The following EVC2 variants were observed in gnomAD, a reference collection of about 807,000 sequenced individuals.
EVC2 encodes EvC ciliary complex subunit 2.
EVC2 carries 148 observed loss-of-function variants against 149.3 expected under a neutral mutation model. That is an observed-to-expected ratio of 0.99 (90% confidence interval 0.87 to 1.14). The LOEUF (loss-of-function observed/expected upper bound fraction) is 1.14. Among genes scored for constraint, EVC2 ranks in the 50% most tolerant of loss-of-function variants. EVC2 has a pLI of 0.00. For missense variants in EVC2, 1,854 were observed against 1,627.3 expected (o/e 1.14, Z -2.40); for synonymous variants, 776 against 649.9 (o/e 1.19, Z -2.95).
intron 7 of EVC2, among the ~76,000 whole-genome samples, chr4:5,678,469 ATC>A (rs1468238806): frequency 6.6e-6 from 1 of 152,170 alleles, no homozygotes; most frequent in Non-Finnish European, 1.5e-5. Context: ...TTTGCTTTGT[ATC>A]TTTTCATTGT....
At chr4:5,698,211 T>C (rs1402650122) in intron 1 of EVC2, among the ~76,000 whole-genome samples, 9 of 152,108 alleles carry the variant, frequency 5.9e-5, no homozygotes, top group East Asian at 3.9e-4. Flanking sequence ...CACCATGTGA[T>C]TGAAATGTCT....
At chr4:5,630,906 C>T (rs1232539959) in intron 11 of EVC2, among the ~76,000 whole-genome samples, 1 of 152,202 alleles carries the variant, frequency 6.6e-6, no homozygotes, top group Non-Finnish European at 1.5e-5. Context: ...TTACCATCAG[C>T]TAGAGCAAGC....
At chr4:5,638,353 C>T (rs1717036171) in intron 10 of EVC2, among the ~76,000 whole-genome samples, 1 of 150,782 alleles carries the variant, frequency 6.6e-6, no homozygotes, top group South Asian at 2.1e-4. Context: ...TGCACCACTG[C>T]ACTGCGATCT....
At chr4:5,678,683 T>G (rs945968588) in intron 7 of EVC2, among the ~76,000 whole-genome samples, 2 of 152,186 alleles carry the variant, frequency 1.3e-5, no homozygotes, top group African/African-American at 4.8e-5. Flanking sequence ...GTACAGCATG[T>G]TACTGTACTG....
chr4:5,558,361 G>C (rs570152254), downstream of EVC2, among the ~76,000 whole-genome samples: 1 of 152,286 alleles, frequency 6.6e-6, no homozygotes, highest in East Asian at 1.9e-4. Flanking sequence ...CAGGGGTCCA[G>C]GTGGAGGAGG....
At chr4:5,566,388 T>C (rs551636405) in intron 20 of EVC2, among the ~76,000 whole-genome samples, 1 of 152,224 alleles carries the variant, frequency 6.6e-6, no homozygotes, top group Admixed American at 6.5e-5. Context: ...AGAAGGGCGG[T>C]CTTCTGAAGG....
chr4:5,620,653 C>G (rs967692843), intron 14 of EVC2, among the ~76,000 whole-genome samples: 2 of 152,174 alleles, frequency 1.3e-5, no homozygotes, highest in African/African-American at 4.8e-5. Context: ...ACTCACATTG[C>G]GTACACTGTG....
rs756095064 is a variant in EVC2, at chr4:5,569,169, C to T, written c.3361-529G>A. On this transcript the variant is annotated intron_variant, in intron 19 of 21. Coordinates refer to ENST00000344408, the MANE Select transcript of EVC2 (RefSeq NM_147127.5). The surrounding 1 kb of genome is among the most constrained non-coding windows in gnomAD (Gnocchi z 4.8). The stretch of plus-strand genomic sequence containing the variant: ...TCCAAAGGTCACGTGCTGCGTGATT[C>T]CATGCATGTAACCACCTGGGCGTGA... Among the ~76,000 whole-genome samples, 10 of 152,288 alleles carry T rather than the reference C, an allele frequency of 6.6e-5. No homozygotes were observed. The highest frequency in any genetic ancestry group is 2.0e-4 in the Admixed American group (3 of 15,306).
intron 7 of EVC2, among the ~76,000 whole-genome samples, chr4:5,674,763 G>C (rs976663752): frequency 1.3e-5 from 2 of 152,158 alleles, no homozygotes; most frequent in African/African-American, 4.8e-5. Flanking sequence ...CCTGAATGGA[G>C]GCCCCTCAAG....
At chr4:5,649,422 C>T (rs13126105) in intron 9 of EVC2, among the ~76,000 whole-genome samples, 87,999 of 151,914 alleles carry the variant, frequency 0.58, 26,038 homozygotes, top group Middle Eastern at 0.64. Flanking sequence ...GAAACAGTAC[C>T]GCTTAAATTA....
chr4:5,698,478 C>T (rs1357644339), intron 1 of EVC2, among the ~76,000 whole-genome samples: 2 of 152,204 alleles, frequency 1.3e-5, no homozygotes, highest in East Asian at 3.9e-4. Context: ...TCCTCCGAGT[C>T]TGCTCAGCCT....
chr4:5,692,448 A>T (rs1463675226), intron 3 of EVC2, among the ~76,000 whole-genome samples: 1 of 152,004 alleles, frequency 6.6e-6, no homozygotes, highest in East Asian at 1.9e-4. Flanking sequence ...AAAGGTTAAT[A>T]CTCTTGCCAA....
chr4:5,551,746 C>T (rs1425827466), intron 21 of EVC2, among the ~76,000 whole-genome samples: 2 of 152,122 alleles, frequency 1.3e-5, no homozygotes, highest in African/African-American at 4.8e-5. Flanking sequence ...TGAATTCCCA[C>T]GTGTTGTGGG....
chr4:5,692,867 C>T (rs1483018437), intron 3 of EVC2, among the ~76,000 whole-genome samples: 1 of 87,528 alleles, frequency 1.1e-5, no homozygotes, highest in Non-Finnish European at 2.2e-5. Context: ...GAGCGAGACT[C>T]CGTCTCAAAA....
intron 16 of EVC2, among the ~76,000 whole-genome samples, chr4:5,604,333 A>T (rs550099950): frequency 7.9e-5 from 12 of 152,354 alleles, no homozygotes; most frequent in Middle Eastern, 3.4e-3. Context: ...GCAGAAATAG[A>T]TAAGTAGATA....
At position 5,696,045 on chromosome 4, in the gene EVC2, C is replaced by T. The variant is rs1007402252; in HGVS notation, c.284-1544G>A. On this transcript the variant is annotated intron_variant, in intron 2 of 21. Transcript: ENST00000344408. This position sits in a 1 kb window ranked among gnomAD's most constrained non-coding sequence, Gnocchi z 4.1. The stretch of plus-strand genomic sequence containing the variant: ...GAACTGATGGCCCTCGCCATGGAAA[C>T]AAGTGGGTGCTCCACCAGGTGAGCG... 6.6e-6 allele frequency among the ~76,000 whole-genome samples: 1 copy of T among 152,114 alleles called. No homozygotes were observed. Among genetic ancestry groups the T allele is most frequent in the East Asian group, 1.9e-4 (1 of 5,182 alleles).
chr4:5,662,535 A>T (rs1168132626), intron 9 of EVC2, among the ~76,000 whole-genome samples: 2 of 143,614 alleles, frequency 1.4e-5, no homozygotes, highest in Non-Finnish European at 3.0e-5. Context: ...AAATATATTA[A>T]ATATAATATT....
chr4:5,588,567 TTC>T (rs1712502561), intron 16 of EVC2, among the ~76,000 whole-genome samples: 2 of 152,172 alleles, frequency 1.3e-5, no homozygotes, highest in African/African-American at 2.4e-5. Context: ...TGGCTCACTT[TTC>T]TCTGTTTTCA....
At chr4:5,699,220 G>A (rs1447514116) in intron 1 of EVC2, among the ~76,000 whole-genome samples, 1 of 152,190 alleles carries the variant, frequency 6.6e-6, no homozygotes, top group Non-Finnish European at 1.5e-5. Flanking sequence ...GAAAATGGGT[G>A]CAGCTCGATC....
Sources: gnomAD v4.1 joint callset for allele counts (sites outside exome capture counted in the v4.1 genomes callset) on GRCh38, gnomAD v4.1.1 for gene constraint, Gnocchi (gnomAD v3.1) non-coding constraint, MANE v1.5 for transcripts, NCBI Gene and HGNC (gene_info 2026-07-23, HGNC 2026-07-21) for gene names.